The following FCRL6 variants were observed in gnomAD, a reference collection of about 807,000 sequenced individuals.
FCRL6 encodes the protein Fc receptor like 6, also known as Fc receptor-like protein 6.
Under a neutral mutation model 49.1 loss-of-function variants are expected in FCRL6, and 50 were observed. The observed-to-expected ratio is 1.02, with a 90% CI of 0.81 to 1.29. FCRL6 has a LOEUF of 1.29. Among genes scored for constraint, FCRL6 ranks in the 50% most tolerant of loss-of-function variants. The pLI, the probability that FCRL6 is intolerant of heterozygous loss-of-function variation, is 0.00. For missense variants in FCRL6, 571 were observed against 518.5 expected, an observed-to-expected ratio of 1.10 and a Z score of -0.98; for synonymous variants, 213 against 199.6, an observed-to-expected ratio of 1.07 and a Z score of -0.57.
At chr1:159,805,382 G>A (rs1363678723) in intron 1 of FCRL6, among the ~76,000 whole-genome samples, 1 of 151,436 alleles carries the variant, frequency 6.6e-6, no homozygotes, top group African/African-American at 2.4e-5. Context: ...TTGGTGTTAT[G>A]TAAAATACCT....
Position 159,815,744 on chromosome 1 carries a change from G to T in FCRL6, c.*83G>T, listed in dbSNP as rs1328166815. 9.0e-6 allele frequency: 14 copies of T among 1,552,142 alleles called. No homozygotes were observed. Among genetic ancestry groups the T allele is most frequent in the African/African-American group, 1.4e-5 (1 of 73,822 alleles). ...GACAGTGGGGTCCTCAACTCTTTCTGTGGGTCCTTCAGTTCCCAAGCCCAG... is the reference window on the plus strand; with the variant it reads ...GACAGTGGGGTCCTCAACTCTTTCTTTGGGTCCTTCAGTTCCCAAGCCCAG... On this transcript the variant is annotated 3_prime_UTR_variant, in exon 10 of 10. Transcript: ENST00000368106.
intron 1 of FCRL6, 84 bp from the exon 2 acceptor site, chr1:159,806,512 T>C (rs1662694920): frequency 1.7e-6 from 2 of 1,208,968 alleles, no homozygotes; most frequent in Non-Finnish European, 2.5e-6. Flanking sequence ...TGGGTGTAAG[T>C]CCCCATTGCT....
In FCRL6 at chr1:159,815,469, G is replaced by T. The variant is rs372040343; in HGVS notation, c.1179+10G>T. On this transcript the variant is annotated intron_variant, in intron 9 of 9. Coordinates refer to ENST00000368106, the MANE Select transcript of FCRL6 (RefSeq NM_001004310.3). ...CACCGTGGGGAGAAAGGTGAGCTGGGATCCCTGCTCCTTTCTCACCCTCTC... is the reference window on the plus strand; with the variant it reads ...CACCGTGGGGAGAAAGGTGAGCTGGTATCCCTGCTCCTTTCTCACCCTCTC... 3 of 1,614,032 alleles carry T rather than the reference G, an allele frequency of 1.9e-6. No homozygotes were observed. The highest frequency in any genetic ancestry group is 2.5e-6 in the Non-Finnish European group (3 of 1,179,922).
intron 1 of FCRL6, among the ~76,000 whole-genome samples, chr1:159,804,591 G>A (rs990574192): frequency 6.6e-6 from 1 of 152,222 alleles, no homozygotes; most frequent in African/African-American, 2.4e-5. Flanking sequence ...CTGTAAGCAG[G>A]TGTCACCCCC....
At chr1:159,805,289 G>A (rs2101734564) in intron 1 of FCRL6, among the ~76,000 whole-genome samples, 1 of 152,288 alleles carries the variant, frequency 6.6e-6, no homozygotes, top group South Asian at 2.1e-4. Flanking sequence ...AGAAAGCAAA[G>A]ATGATACCAT....
At chr1:159,804,342 A>C (rs1040118874) in intron 1 of FCRL6, among the ~76,000 whole-genome samples, 11 of 152,188 alleles carry the variant, frequency 7.2e-5, no homozygotes, top group African/African-American at 2.7e-4. Flanking sequence ...AGCTTAGCCC[A>C]CCAAGTATTT....
intron 1 of FCRL6, among the ~76,000 whole-genome samples, chr1:159,806,248 AG>A (rs1213517555): frequency 6.6e-6 from 1 of 152,244 alleles, no homozygotes; most frequent in Non-Finnish European, 1.5e-5. Flanking sequence ...TTGGAGTCCC[AG>A]GGAAGACCTG....
At chr1:159,815,362 G>C (rs1042575333) in intron 8 of FCRL6, 66 bp from the exon 9 acceptor site, 8 of 1,552,270 alleles carry the variant, frequency 5.2e-6, no homozygotes, top group Non-Finnish European at 7.0e-6. Context: ...AGCCAGGAGG[G>C]GTGGGAAGGA....
In FCRL6 at chr1:159,815,858, G is replaced by A; in HGVS notation, c.*197G>A. The A allele has an allele frequency of 3.5e-6, 2 of 579,060 alleles. No individual in the cohort carries two copies. The highest frequency in any genetic ancestry group is 2.0e-5 in the South Asian group (1 of 49,474). The allele number at this position is 579,060 out of a possible 1,614,324, so 35.9% of individuals were successfully genotyped here. ...AGCAGAAGACCAACCAATGGAATGG[G>A]AAGGGAGATGCTCCCACCAACACAC... On this transcript the variant is annotated 3_prime_UTR_variant, in exon 10 of 10. Coordinates refer to ENST00000368106, the MANE Select transcript of FCRL6 (RefSeq NM_001004310.3).
At chr1:159,809,801 A>G (rs540532101) in intron 5 of FCRL6, 118 bp downstream of exon 5, 2 of 880,264 alleles carry the variant, frequency 2.3e-6, no homozygotes, top group Non-Finnish European at 1.8e-6. Context: ...CAGCCACTGC[A>G]TGACTGAGCA....
At chr1:159,804,157 A>G (rs1338566842) in intron 1 of FCRL6, among the ~76,000 whole-genome samples, 1 of 152,186 alleles carries the variant, frequency 6.6e-6, no homozygotes, top group Admixed American at 6.5e-5. Flanking sequence ...ATGGGGTCCC[A>G]TACAGCCCTC....
rs187926946 is a variant in FCRL6, at chr1:159,806,259, G to C, written c.32-337G>C. Among the ~76,000 whole-genome samples, 14 of 152,376 alleles carry C rather than the reference G, an allele frequency of 9.2e-5. No homozygotes were observed. In the East Asian group the frequency reaches 2.7e-3, roughly 29 times the overall value. ...TTGATTGGAGTCCCAGGGAAGACCT[G>C]TTTGAGAAGGCAACATTTGAACTGT... On this transcript the variant is annotated intron_variant, in intron 1 of 9. Transcript: ENST00000368106.
chr1:159,814,155 A>C, intron 7 of FCRL6, 66 bp from the exon 8 acceptor site: 1 of 1,456,154 alleles, frequency 6.9e-7, no homozygotes, highest in South Asian at 1.1e-5. Context: ...CCATGTCTTC[A>C]GGACACTTAT....
chr1:159,806,185 T>C (rs989268860), intron 1 of FCRL6, among the ~76,000 whole-genome samples: 3 of 152,238 alleles, frequency 2.0e-5, no homozygotes, highest in African/African-American at 7.2e-5. Flanking sequence ...GATAAGTGTT[T>C]TGAAGATAAT....
chr1:159,808,176 A>G lies in FCRL6; in HGVS notation c.53-2A>G, dbSNP rs778451111. 1.4e-5 allele frequency: 23 copies of G among 1,607,578 alleles called. No individual in the cohort carries two copies. The highest frequency in any genetic ancestry group is 2.0e-5 in the Non-Finnish European group (23 of 1,175,272). ...GGGCTGCCCTGTTCCTCTGTCTCGC[A>G]GTCTGGCTGTACCTCCAAGCCTGGC... On this transcript the variant is annotated splice_acceptor_variant, in intron 2 of 9. Transcript: ENST00000368106. LOFTEE classifies it high-confidence loss of function.
At chr1:159,814,907 T>C (rs1170672293) in intron 8 of FCRL6, among the ~76,000 whole-genome samples, 1 of 152,212 alleles carries the variant, frequency 6.6e-6, no homozygotes. Flanking sequence ...CACTGTTGAC[T>C]TGGCAAGTCA....
At chr1:159,804,753 G>C (rs1662568924) in intron 1 of FCRL6, among the ~76,000 whole-genome samples, 1 of 152,316 alleles carries the variant, frequency 6.6e-6, no homozygotes, top group Middle Eastern at 3.4e-3. Flanking sequence ...AGTGCCTTCT[G>C]TCTTGTTTTT....
chr1:159,810,192 T>G lies in FCRL6; in HGVS notation c.985T>G (p.Tyr329Asp), dbSNP rs761090191. Reference sequence around the variant, plus strand: ...GGTTATTGCTGCTGCACTTCTGGTTTATGTGAGATCCTGGAGAAAAGCTGG... The same window carrying G: ...GGTTATTGCTGCTGCACTTCTGGTTGATGTGAGATCCTGGAGAAAAGCTGG... ...LMVIAAALLV[Y>D]VRSWRKAGPL... Residue 329 changes from tyrosine to aspartate, a missense_variant, in exon 6 of 10, where the codon TAT (tyrosine) becomes GAT (aspartate). Physicochemically the swap from Tyr to Asp is radical, Grantham distance 160. Coordinates refer to ENST00000368106, the MANE Select transcript of FCRL6 (RefSeq NM_001004310.3). 2 of 1,613,294 alleles carry G rather than the reference T, an allele frequency of 1.2e-6. No homozygotes were observed. Among genetic ancestry groups the G allele is most frequent in the South Asian group, 2.2e-5 (2 of 90,980 alleles).
intron 4 of FCRL6, 57 bp downstream of exon 4, chr1:159,809,302 T>C: frequency 6.6e-7 from 1 of 1,524,962 alleles, no homozygotes; most frequent in African/African-American, 1.4e-5. Context: ...GGCAGTGGGA[T>C]CCCCTGGGAC....
Sources: allele counts gnomAD v4.1 joint callset (sites outside exome capture counted in the v4.1 genomes callset), GRCh38; gene constraint gnomAD v4.1.1; transcripts MANE v1.5; gene names NCBI Gene and HGNC (gene_info 2026-07-23, HGNC 2026-07-21).